BCAT2: variants seen among roughly 807,000 people sequenced by gnomAD.
BCAT2 encodes the protein branched-chain-amino-acid aminotransferase, mitochondrial.
BCAT2 carries 44 observed loss-of-function variants against 52.9 expected under a neutral mutation model. The ratio of observed to expected loss-of-function variants is 0.83; its 90% CI spans 0.65 to 1.07. BCAT2 has a LOEUF of 1.07. Among genes scored for constraint, BCAT2 ranks in the 50% least tolerant of loss-of-function variants. The pLI is 0.00. For missense variants in BCAT2, 478 were observed against 521.8 expected, an observed-to-expected ratio of 0.92 and a Z score of 0.82; for synonymous variants, 215 against 217.1, an observed-to-expected ratio of 0.99 and a Z score of 0.08.
chr19:48,808,011 G>A, intron 1 of BCAT2: 1 of 986,430 alleles, frequency 1.0e-6, no homozygotes, highest in Non-Finnish European at 1.2e-6. Flanking sequence ...GAGAGACAGA[G>A]TGGCCTGGCC....
Position 48,797,215 on chromosome 19 carries a change from C to G in BCAT2, c.814G>C (p.Val272Leu). Residue 272 changes from valine to leucine, a missense_variant, in exon 7 of 11, where the codon GTC becomes CTC. By Grantham distance (32) the Val-to-Leu change is conservative. Transcript: ENST00000316273. ...LTEVGTMNIF[V>L]YWTHEDGVLE... Reference sequence around the variant, plus strand: ...CCCCCATCTTCGTGGGTCCAGTAGACAAAGATGTTCATGGTTCCCACCTCG... The same window carrying G: ...CCCCCATCTTCGTGGGTCCAGTAGAGAAAGATGTTCATGGTTCCCACCTCG... The G allele has an allele frequency of 6.2e-7, 1 of 1,613,952 alleles. No homozygotes were observed. Among genetic ancestry groups the G allele is most frequent in the Non-Finnish European group, 8.5e-7 (1 of 1,179,932 alleles).
intron 10 of BCAT2, chr19:48,795,868 G>T (rs2034497614): frequency 6.7e-6 from 2 of 296,558 alleles, no homozygotes; most frequent in African/African-American, 4.3e-5. Flanking sequence ...TACCCCCAGA[G>T]ATTTATGGGA....
At chr19:48,806,068 C>A (rs1465381721) in intron 3 of BCAT2, among the ~76,000 whole-genome samples, 1 of 29,816 alleles carries the variant, frequency 3.4e-5, no homozygotes, top group Non-Finnish European at 7.1e-5. Context: ...CCATCTCCCC[C>A]CCCAATGGCT....
chr19:48,806,626 T>G lies in BCAT2; in HGVS notation c.191A>C (p.His64Pro). Residue 64 changes from histidine to proline, a missense_variant, in exon 3 of 11, where the codon CAC (histidine) becomes CCC (proline). Physicochemically the swap from His to Pro is moderately conservative, Grantham distance 77. Transcript: ENST00000316273. ...PLVFGKTFTDHMLMVEWNDKG... is the reference protein window; with the variant it reads ...PLVFGKTFTDPMLMVEWNDKG... ...GTCATTCCATTCCACCATCAGCATG[T>G]GGTCGGTAAATGTCTTCCCAAACAC... 3.7e-6 allele frequency: 6 copies of G among 1,614,144 alleles called. No homozygotes were observed. The highest frequency in any genetic ancestry group is 4.2e-6 in the Non-Finnish European group (5 of 1,180,024).
At chr19:48,802,216 T>A (rs2034671733) in intron 3 of BCAT2, among the ~76,000 whole-genome samples, 1 of 151,930 alleles carries the variant, frequency 6.6e-6, no homozygotes, top group Non-Finnish European at 1.5e-5. Context: ...TAAAACCACA[T>A]GGGAGATTGG....
chr19:48,795,923 TG>T, intron 10 of BCAT2: 1 of 257,160 alleles, frequency 3.9e-6, no homozygotes, highest in Non-Finnish European at 7.4e-6. Context: ...CAGAGGCTCA[TG>T]GGAGGAAGCT....
chr19:48,803,564 G>T (rs930139567), intron 3 of BCAT2, among the ~76,000 whole-genome samples: 3 of 151,748 alleles, frequency 2.0e-5, no homozygotes, highest in African/African-American at 7.3e-5. Context: ...AAAAATGCAG[G>T]TGGCCAGGCT....
chr19:48,807,297 C>A lies in BCAT2; in HGVS notation c.25-223G>T. Reference sequence around the variant, plus strand: ...CTGAGTCAGCTCCCGCCCCCTCCTCCATGCTGCGGCAAAGTCAAACGCAAG... The same window carrying A: ...CTGAGTCAGCTCCCGCCCCCTCCTCAATGCTGCGGCAAAGTCAAACGCAAG... On this transcript the variant is annotated intron_variant, in intron 1 of 10. Coordinates refer to ENST00000316273, the MANE Select transcript of BCAT2 (RefSeq NM_001190.4). The surrounding 1 kb of genome is among the most constrained non-coding windows in gnomAD (Gnocchi z 4.6). 1 of 484,884 alleles carries A rather than the reference C, an allele frequency of 2.1e-6. No homozygotes were observed. 30.0% of individuals were successfully genotyped at this position (484,884 alleles called of 1,614,324 possible).
At chr19:48,803,912 C>A (rs1229644294) in intron 3 of BCAT2, among the ~76,000 whole-genome samples, 1 of 152,230 alleles carries the variant, frequency 6.6e-6, no homozygotes, top group Non-Finnish European at 1.5e-5. Flanking sequence ...GTAATCCCAG[C>A]CCTTTGGGAG....
At position 48,807,058 on chromosome 19, in the gene BCAT2, A is replaced by G. The variant is rs748515019; in HGVS notation, c.41T>C (p.Leu14Pro). ...ACACAGAAGCCAAGGGACAGAGAGA[A>G]GCTTTCGTGCCCAGATCTGGGTGGA... ...AALGQIWARK[L>P]LSVPWLLCGP... Residue 14 changes from leucine to proline, a missense_variant, in exon 2 of 11, where the codon CTT becomes CCT. Coordinates refer to ENST00000316273, the MANE Select transcript of BCAT2 (RefSeq NM_001190.4). The surrounding 1 kb of genome is among the most constrained non-coding windows in gnomAD (Gnocchi z 4.6). 5 of 1,613,946 alleles carry G rather than the reference A, an allele frequency of 3.1e-6. No individual in the cohort carries two copies. Among genetic ancestry groups the G allele is most frequent in the Non-Finnish European group, 2.5e-6 (3 of 1,179,906 alleles).
At chr19:48,796,862 T>G in intron 8 of BCAT2, 75 bp downstream of exon 8, 1 of 1,598,366 alleles carries the variant, frequency 6.3e-7, no homozygotes, top group South Asian at 1.1e-5. Context: ...CATGCCAGTG[T>G]GCCCCAGTCC....
chr19:48,809,023 C>T (rs567373312), intron 1 of BCAT2, among the ~76,000 whole-genome samples: 4 of 121,810 alleles, frequency 3.3e-5, no homozygotes, highest in African/African-American at 6.4e-5. Context: ...TGGTGAGCTA[C>T]GATCACACTG....
rs2034464790 is a variant in BCAT2, at chr19:48,795,068, T to C, written c.*358A>G. On this transcript the variant is annotated 3_prime_UTR_variant, in exon 11 of 11. Coordinates refer to ENST00000316273, the MANE Select transcript of BCAT2 (RefSeq NM_001190.4). ...CACTGAAGAAGCCCGACAATGTGTG[T>C]TCTTTGGCATTTTATTTCAAAATTG... The C allele has an allele frequency of 1.7e-5, 6 of 342,922 alleles. No individual in the cohort carries two copies. The highest frequency in any genetic ancestry group is 7.3e-5 in the South Asian group (2 of 27,504). 21.2% of individuals were successfully genotyped at this position (342,922 alleles called of 1,614,324 possible). A position where few individuals can be genotyped will look rare whatever the true frequency, so the allele number is the denominator to read the frequency against.
rs543218129 is a variant in BCAT2 at position 48,803,897 on chromosome 19, C to A, written c.300+2620G>T. Among the ~76,000 whole-genome samples, 46 of 152,324 alleles carry A rather than the reference C, an allele frequency of 3.0e-4. 3 individuals are homozygous for A. The South Asian group carries it at 6.2e-3, about 21-fold the overall frequency. Reference sequence around the variant, plus strand: ...GTTGGAGGCTGGGCGCCGTGGCTCACGCCAGTAATCCCAGCCCTTTGGGAG... The same window carrying A: ...GTTGGAGGCTGGGCGCCGTGGCTCAAGCCAGTAATCCCAGCCCTTTGGGAG... On this transcript the variant is annotated intron_variant, in intron 3 of 10. Transcript: ENST00000316273.
chr19:48,797,790 A>G (rs1321767124), intron 6 of BCAT2, among the ~76,000 whole-genome samples: 1 of 142,962 alleles, frequency 7.0e-6, no homozygotes, highest in Non-Finnish European at 1.5e-5. Context: ...TGTCATTCAA[A>G]ACCATTTCTT....
chr19:48,800,156 C>T (rs2034626054), intron 4 of BCAT2, 31 bp downstream of exon 4: 6 of 1,612,628 alleles, frequency 3.7e-6, no homozygotes, highest in Non-Finnish European at 5.1e-6. Flanking sequence ...CCCAGCCCTC[C>T]TCCCCACCCC....
At chr19:48,801,613 A>G (rs1190829514) in intron 3 of BCAT2, among the ~76,000 whole-genome samples, 1 of 152,016 alleles carries the variant, frequency 6.6e-6, no homozygotes, top group African/African-American at 2.4e-5. Flanking sequence ...GGAAACAAAA[A>G]TAACTGTTTT....
rs1366847638 is a variant in BCAT2 at position 48,796,706 on chromosome 19, C to A, written c.937G>T (p.Val313Leu). The A allele has an allele frequency of 6.2e-7, 1 of 1,611,796 alleles. No individual in the cohort carries two copies. The highest frequency in any genetic ancestry group is 8.5e-7 in the Non-Finnish European group (1 of 1,179,548). Residue 313 changes from valine (V) to leucine (L), a missense_variant, in exon 9 of 11, where the codon GTG becomes TTG. Transcript: ENST00000316273. ...DMAQTWGEFR[V>L]VERTITMKQL... is the part of the protein sequence containing the mutation. ...TTCATGGTGATCGTGCGCTCCACCA[C>A]CCGGAACTCACCCTGCAGGGCAGTT...
chr19:48,796,800 G>C, intron 8 of BCAT2, 82 bp from the exon 9 acceptor site: 1 of 1,589,702 alleles, frequency 6.3e-7, no homozygotes. Context: ...TGAGGATAGT[G>C]AGAAAGACAG....
Sources: allele counts gnomAD v4.1 joint callset (sites outside exome capture counted in the v4.1 genomes callset), GRCh38; gene constraint gnomAD v4.1.1; non-coding constraint Gnocchi (gnomAD v3.1); transcripts MANE v1.5; gene names NCBI Gene and HGNC (gene_info 2026-07-23, HGNC 2026-07-21).